The following UXS1 variants were observed in gnomAD, a reference collection of about 807,000 sequenced individuals.
UXS1 encodes the protein UDP-glucuronic acid decarboxylase 1.
In UXS1, 33 loss-of-function variants were observed where a neutral mutation model predicts 62.6. The ratio of observed to expected loss-of-function variants is 0.53; its 90% CI spans 0.40 to 0.70. UXS1 has a LOEUF of 0.70. Among genes scored for constraint, UXS1 ranks in the 30% least tolerant of loss-of-function variants. The pLI is 0.00. For synonymous variants in UXS1, 213 were observed against 206.8 expected (o/e 1.03, Z -0.26); for missense variants, 434 against 556.3 (o/e 0.78, Z 2.21).
At chr2:106,194,089 C>A in intron 1 of UXS1, 59 bp downstream of exon 1, 1 of 1,362,584 alleles carries the variant, frequency 7.3e-7, no homozygotes, top group Non-Finnish European at 9.6e-7. Context: ...CGCCGCCCGG[C>A]CCACCGCGGC....
chr2:106,151,136 C>T (rs1164139044), intron 5 of UXS1, among the ~76,000 whole-genome samples: 1 of 152,138 alleles, frequency 6.6e-6, no homozygotes, highest in African/African-American at 2.4e-5. Context: ...GGGAATTTGC[C>T]TTAGGATGAA....
At chr2:106,104,270 G>A (rs899942408) in intron 11 of UXS1, among the ~76,000 whole-genome samples, 23 of 152,162 alleles carry the variant, frequency 1.5e-4, no homozygotes, top group African/African-American at 4.6e-4. Flanking sequence ...ACAGAACAGT[G>A]GGTTTATAAG....
At chr2:106,182,390 C>A (rs763202204) in intron 1 of UXS1, among the ~76,000 whole-genome samples, 2 of 152,186 alleles carry the variant, frequency 1.3e-5, no homozygotes, top group African/African-American at 4.8e-5. Context: ...ATTTAATATG[C>A]AGAAATTATG....
At chr2:106,113,379 G>A (rs1030048004) in intron 9 of UXS1, among the ~76,000 whole-genome samples, 6 of 152,204 alleles carry the variant, frequency 3.9e-5, no homozygotes, top group Non-Finnish European at 8.8e-5. Flanking sequence ...GGCCTGGAAA[G>A]AGAAACATAC....
chr2:106,095,698 T>C (rs1000363258), intron 14 of UXS1, among the ~76,000 whole-genome samples: 6 of 152,076 alleles, frequency 3.9e-5, no homozygotes, highest in South Asian at 2.1e-4. Flanking sequence ...CGAATTTCAG[T>C]GGGGCACATG....
At chr2:106,182,163 T>C (rs1270083062) in intron 1 of UXS1, among the ~76,000 whole-genome samples, 2 of 152,228 alleles carry the variant, frequency 1.3e-5, no homozygotes, top group Non-Finnish European at 2.9e-5. Flanking sequence ...AAAGTATGGG[T>C]GTCCAATCTT....
At chr2:106,140,461 C>T (rs1681009436) in intron 6 of UXS1, among the ~76,000 whole-genome samples, 1 of 152,212 alleles carries the variant, frequency 6.6e-6, no homozygotes, top group South Asian at 2.1e-4. Flanking sequence ...TAAATGTCTA[C>T]ATAAACATGG....
At chr2:106,106,984 G>A (rs575117501) in intron 10 of UXS1, among the ~76,000 whole-genome samples, 1 of 152,130 alleles carries the variant, frequency 6.6e-6, no homozygotes, top group Non-Finnish European at 1.5e-5. Context: ...ACTACCTGTA[G>A]ATTTTTTTTT....
intron 1 of UXS1, among the ~76,000 whole-genome samples, chr2:106,184,540 G>A (rs1330776305): frequency 6.6e-6 from 1 of 152,222 alleles, no homozygotes; most frequent in East Asian, 1.9e-4. Context: ...GTTGGGAAGT[G>A]CAAGATCAAG....
chr2:106,121,567 T>A (rs1311940983), intron 9 of UXS1, among the ~76,000 whole-genome samples: 2 of 152,194 alleles, frequency 1.3e-5, no homozygotes, highest in Non-Finnish European at 2.9e-5. Context: ...AGTGGTCCTG[T>A]GTGTCTGGAA....
At chr2:106,101,951 T>C (rs1677634369) in intron 11 of UXS1, 1 of 152,142 alleles carries the variant, frequency 6.6e-6, no homozygotes, top group Non-Finnish European at 1.5e-5. Context: ...CTTTTAAAGC[T>C]CTGACCCTTC....
At chr2:106,118,385 T>C (rs1039067600) in intron 9 of UXS1, among the ~76,000 whole-genome samples, 3 of 152,160 alleles carry the variant, frequency 2.0e-5, no homozygotes, top group African/African-American at 7.2e-5. Flanking sequence ...GCTGGTTTTA[T>C]GAATGGAGGC....
intron 10 of UXS1, among the ~76,000 whole-genome samples, chr2:106,107,190 CTGCT>C (rs1321309698): frequency 6.6e-6 from 1 of 152,198 alleles, no homozygotes; most frequent in East Asian, 1.9e-4. Context: ...TGCACCTCTG[CTGCT>C]TGTTTTGCAC....
chr2:106,161,962 A>C (rs1573542056), intron 4 of UXS1, among the ~76,000 whole-genome samples: 1 of 152,160 alleles, frequency 6.6e-6, no homozygotes, highest in East Asian at 1.9e-4. Context: ...ACCTATTTCC[A>C]GTTACATTCT....
At chr2:106,165,575 C>T (rs560214335) in intron 2 of UXS1, among the ~76,000 whole-genome samples, 2 of 151,984 alleles carry the variant, frequency 1.3e-5, no homozygotes, top group African/African-American at 4.8e-5. Context: ...TACAAGAGTG[C>T]CTCCTGCCCT....
intron 13 of UXS1, chr2:106,097,111 A>G (rs1327181609): frequency 1.9e-6 from 1 of 534,456 alleles, no homozygotes; most frequent in African/African-American, 1.9e-5. Flanking sequence ...CGCCCACTAC[A>G]AGAGGGTTGC....
chr2:106,172,740 C>T (rs1285682532), intron 1 of UXS1, among the ~76,000 whole-genome samples: 1 of 152,180 alleles, frequency 6.6e-6, no homozygotes, highest in African/African-American at 2.4e-5. Context: ...TGACCCCTGG[C>T]GAGGGAGGAG....
chr2:106,151,304 G>T (rs556278135), intron 5 of UXS1, among the ~76,000 whole-genome samples: 8 of 152,274 alleles, frequency 5.3e-5, no homozygotes, highest in African/African-American at 1.9e-4. Flanking sequence ...GAATGCTATG[G>T]GTTTGAATGT....
At chr2:106,120,834 C>G (rs1342556509) in intron 9 of UXS1, among the ~76,000 whole-genome samples, 1 of 152,216 alleles carries the variant, frequency 6.6e-6, no homozygotes, top group Non-Finnish European at 1.5e-5. Flanking sequence ...CCTGGTGACT[C>G]CATAGAAGGC....
Sources: gnomAD v4.1 joint callset for allele counts (sites outside exome capture counted in the v4.1 genomes callset) on GRCh38, gnomAD v4.1.1 for gene constraint, MANE v1.5 for transcripts, NCBI Gene and HGNC (gene_info 2026-07-23, HGNC 2026-07-21) for gene names.